The following CNOT9 variants were observed in gnomAD, a reference collection of about 807,000 sequenced individuals.
CNOT9 encodes the protein RCD1 required for cell differentiation1 homolog.
A neutral mutation model predicts 37.4 loss-of-function variants in CNOT9; 8 were observed. That is an observed-to-expected ratio of 0.21 (90% CI 0.13 to 0.39). The LOEUF (loss-of-function observed/expected upper bound fraction) is 0.39. Ranked by LOEUF, CNOT9 falls within the 10% of genes least tolerant of loss-of-function variation. The pLI, the probability that CNOT9 is intolerant of heterozygous loss-of-function variation, is 1.00. For synonymous variants in CNOT9, 120 were observed against 137.6 expected (o/e 0.87, Z 0.90); for missense variants, 154 against 365.3 (o/e 0.42, Z 4.71).
intron 1 of CNOT9, among the ~76,000 whole-genome samples, chr2:218,569,461 G>C (rs549818545): frequency 6.6e-6 from 1 of 152,288 alleles, no homozygotes; most frequent in South Asian, 2.1e-4. Flanking sequence ...ATCTGACTTA[G>C]GTTCTCTGCA....
intron 5 of CNOT9, among the ~76,000 whole-genome samples, chr2:218,591,556 A>G (rs1012653325): frequency 6.6e-6 from 1 of 152,168 alleles, no homozygotes; most frequent in African/African-American, 2.4e-5. Context: ...CAGCCTAGCC[A>G]AGACGGTGAA....
At chr2:218,589,916 T>C (rs1056476459) in intron 5 of CNOT9, among the ~76,000 whole-genome samples, 5 of 152,250 alleles carry the variant, frequency 3.3e-5, no homozygotes, top group Admixed American at 1.3e-4. Flanking sequence ...ATGTTGATTA[T>C]GTGAAGTTTA....
At chr2:218,569,718 T>C (rs1458185852) in intron 1 of CNOT9, among the ~76,000 whole-genome samples, 2 of 152,232 alleles carry the variant, frequency 1.3e-5, no homozygotes, top group African/African-American at 2.4e-5. Context: ...GCAACGCGCT[T>C]ATTTTTCTCC....
At chr2:218,593,950 A>T in intron 7 of CNOT9, 158 bp from the exon 8 acceptor site, 1 of 956,358 alleles carries the variant, frequency 1.0e-6, no homozygotes. Context: ...CTCTAAGCCT[A>T]TGCCTAATAT....
rs1385484728 is a variant in CNOT9, at chr2:218,596,485, C to G, written c.*2209C>G. 4 of 152,208 alleles carry G rather than the reference C, an allele frequency of 2.6e-5. No homozygotes were observed. The highest frequency in any genetic ancestry group is 6.5e-5 in the Admixed American group (1 of 15,268). 9.4% of individuals were successfully genotyped at this position (152,208 alleles called of 1,614,324 possible). The stretch of plus-strand genomic sequence containing the variant: ...CTATCAGTATATGGGTAACTAGGCA[C>G]TTTGGTCAGGTGATCCTTGTCATGC... On this transcript the variant is annotated 3_prime_UTR_variant, in exon 8 of 8. Transcript: ENST00000273064.
rs1259314885 is a variant in CNOT9 at position 218,589,504 on chromosome 2, AT to A, written c.540+1814del. Among the ~76,000 whole-genome samples, 9 of 151,974 alleles carry A rather than the reference AT, an allele frequency of 5.9e-5. No individual in the cohort carries two copies. The East Asian group carries it at 1.7e-3, about 29-fold the overall frequency. On this transcript the variant is annotated intron_variant, in intron 5 of 7. Transcript: ENST00000273064. The stretch of plus-strand genomic sequence containing the variant: ...CCTGCTCCACCACACTCAGCTAATT[AT>A]TTTTATTTTTTGTAAAGACAAGGTC...
At chr2:218,587,862 G>T (rs1357263550) in intron 5 of CNOT9, among the ~76,000 whole-genome samples, 167 bp downstream of exon 5, 2 of 152,074 alleles carry the variant, frequency 1.3e-5, no homozygotes, top group Admixed American at 1.3e-4. Flanking sequence ...CCATTCAGAA[G>T]AAAATCAAGT....
rs1033265504 is a variant in CNOT9, at chr2:218,578,923, C to T, written c.25-1638C>T. Reference sequence around the variant, plus strand: ...TGATTCTTTAGCATAATAATGAAAGCATGCCCTATTAAGTATGTATTTCCT... The same window carrying T: ...TGATTCTTTAGCATAATAATGAAAGTATGCCCTATTAAGTATGTATTTCCT... On this transcript the variant is annotated intron_variant, in intron 1 of 7. Coordinates refer to ENST00000273064, the MANE Select transcript of CNOT9 (RefSeq NM_005444.3). 1.2e-4 allele frequency among the ~76,000 whole-genome samples: 18 copies of T among 152,252 alleles called. 1 individual carries two copies. The highest frequency in any genetic ancestry group is 2.6e-4 in the Admixed American group (4 of 15,300).
rs1694891093 is a variant in CNOT9 at position 218,595,011 on chromosome 2, T to C, written c.*735T>C. ...GTTTCCCTTCCTTCTCCCATTCTAC[T>C]CCCAGTCCGGAATGCCACGAGGACC... On this transcript the variant is annotated 3_prime_UTR_variant, in exon 8 of 8. Transcript: ENST00000273064. 1 of 152,170 alleles carries C rather than the reference T, an allele frequency of 6.6e-6. No homozygotes were observed. The highest frequency in any genetic ancestry group is 1.5e-5 in the Non-Finnish European group (1 of 68,054). The allele number at this position is 152,170 out of a possible 1,614,324, so 9.4% of individuals were successfully genotyped here. A position where few individuals can be genotyped will look rare whatever the true frequency, so the allele number is the denominator to read the frequency against.
chr2:218,574,819 A>G (rs1312152571), intron 1 of CNOT9, among the ~76,000 whole-genome samples: 1 of 152,220 alleles, frequency 6.6e-6, no homozygotes, highest in African/African-American at 2.4e-5. Flanking sequence ...GGCATTAAAG[A>G]ACTTTTTGGG....
chr2:218,581,876 G>GTT (rs1213245509), intron 2 of CNOT9, among the ~76,000 whole-genome samples: 4 of 152,108 alleles, frequency 2.6e-5, no homozygotes, highest in African/African-American at 9.7e-5. Flanking sequence ...GAGCCCAGGA[G>GTT]TTTGAGACCA....
chr2:218,578,336 A>G (rs1168650412), intron 1 of CNOT9, among the ~76,000 whole-genome samples: 1 of 152,250 alleles, frequency 6.6e-6, no homozygotes, highest in Non-Finnish European at 1.5e-5. Flanking sequence ...AAAACTTACA[A>G]TGAAGCTTCC....
chr2:218,582,137 A>G (rs752011573), intron 2 of CNOT9, among the ~76,000 whole-genome samples: 5 of 152,146 alleles, frequency 3.3e-5, no homozygotes, highest in Non-Finnish European at 4.4e-5. Flanking sequence ...TTACTTTTTG[A>G]CAGATAGTGC....
In CNOT9 at chr2:218,592,075, A is replaced by G. The variant is rs769401646; in HGVS notation, c.541-229A>G. On this transcript the variant is annotated intron_variant, in intron 5 of 7. Coordinates refer to ENST00000273064, the MANE Select transcript of CNOT9 (RefSeq NM_005444.3). This position sits in a 1 kb window ranked among gnomAD's most constrained non-coding sequence, Gnocchi z 4.1. ...ACCTCATTGATTTATTATAAAAATA[A>G]GATAAGCATGTAAAGCCTCTAGAAA... Among the ~76,000 whole-genome samples, 12 of 152,220 alleles carry G rather than the reference A, an allele frequency of 7.9e-5. No individual in the cohort carries two copies. The highest frequency in any genetic ancestry group is 1.5e-4 in the Non-Finnish European group (10 of 68,046).
Position 218,587,632 on chromosome 2 carries a change from A to C in CNOT9, c.477A>C (p.Leu159Phe). 1 of 1,609,820 alleles carries C rather than the reference A, an allele frequency of 6.2e-7. No homozygotes were observed. The highest frequency in any genetic ancestry group is 8.5e-7 in the Non-Finnish European group (1 of 1,177,842). ...TDEQEVINFLLTTEIIPLCLR... is the reference protein window; with the variant it reads ...TDEQEVINFLFTTEIIPLCLR... ...AACAAGAAGTAATCAACTTTTTATT[A>C]ACAACAGAAATTATCCCTTTATGTT... The change falls in exon 5 of 8, where the codon TTA (leucine) becomes TTC (phenylalanine). Residue 159 changes from leucine (L) to phenylalanine (F), a missense_variant. Physicochemically the swap from Leu to Phe is conservative, Grantham distance 22 (BLOSUM62 0). This residue lies in a region of CNOT9 where 117 missense variants were observed against 325.4 expected (regional missense o/e 0.36). Coordinates refer to ENST00000273064, the MANE Select transcript of CNOT9 (RefSeq NM_005444.3).
chr2:218,588,584 C>T (rs1287267774), intron 5 of CNOT9, among the ~76,000 whole-genome samples: 3 of 97,314 alleles, frequency 3.1e-5, no homozygotes, highest in South Asian at 3.4e-4. Flanking sequence ...CCACTCCACC[C>T]GGCCTTTTTT....
chr2:218,580,999 T>C (rs539438465), intron 2 of CNOT9: 35 of 566,718 alleles, frequency 6.2e-5, no homozygotes, highest in South Asian at 4.1e-4. Context: ...CCCCAGGTGA[T>C]TGTGATGCAA....
At chr2:218,589,807 G>C (rs931698686) in intron 5 of CNOT9, among the ~76,000 whole-genome samples, 3 of 152,128 alleles carry the variant, frequency 2.0e-5, no homozygotes, top group African/African-American at 4.8e-5. Context: ...CCCTATACCT[G>C]GCTATTTTTA....
intron 7 of CNOT9, chr2:218,593,674 A>G (rs1694850580): frequency 1.5e-6 from 2 of 1,292,126 alleles, no homozygotes; most frequent in East Asian, 5.3e-5. Flanking sequence ...CAATTTCTGT[A>G]AAGACACAAA....
Sources: allele counts gnomAD v4.1 joint callset (sites outside exome capture counted in the v4.1 genomes callset), GRCh38; gene constraint gnomAD v4.1.1; regional missense constraint gnomAD v4.1.1; non-coding constraint Gnocchi (gnomAD v3.1); transcripts MANE v1.5; gene names NCBI Gene and HGNC (gene_info 2026-07-23, HGNC 2026-07-21).